GPLD1: variants seen among roughly 807,000 people sequenced by gnomAD.
The protein encoded by GPLD1 is glycosylphosphatidylinositol specific phospholipase D1, also known as phosphatidylinositol-glycan-specific phospholipase D.
A neutral mutation model predicts 112.6 loss-of-function variants in GPLD1; 84 were observed. The ratio of observed to expected loss-of-function variants is 0.75; its 90% CI spans 0.63 to 0.89. The LOEUF is 0.89. Ranked by LOEUF, GPLD1 falls within the 40% of genes least tolerant of loss-of-function variation. GPLD1 has a pLI of 0.00. For missense variants in GPLD1, 1,044 were observed against 1,051.5 expected, an observed-to-expected ratio of 0.99 and a Z score of 0.10; for synonymous variants, 386 against 403.8, an observed-to-expected ratio of 0.96 and a Z score of 0.53.
chr6:24,450,733 T>G (rs1190774858), intron 14 of GPLD1, among the ~76,000 whole-genome samples: 1 of 152,092 alleles, frequency 6.6e-6, no homozygotes, highest in African/African-American at 2.4e-5. Flanking sequence ...TCCCAGCACT[T>G]TGGGAGGCCG....
chr6:24,492,215 G>A (rs930108084), upstream of GPLD1, among the ~76,000 whole-genome samples: 3 of 152,084 alleles, frequency 2.0e-5, no homozygotes, highest in Non-Finnish European at 2.9e-5. Context: ...AGAAAATGGG[G>A]GAGAAGAGGC....
upstream of GPLD1, among the ~76,000 whole-genome samples, chr6:24,492,164 T>C (rs1374664356): frequency 6.6e-6 from 1 of 151,934 alleles, no homozygotes; most frequent in Non-Finnish European, 1.5e-5. Flanking sequence ...AGAATACAGG[T>C]TTGAAAGCCA....
chr6:24,431,710 T>C (rs924970532), intron 24 of GPLD1, among the ~76,000 whole-genome samples: 2 of 152,044 alleles, frequency 1.3e-5, no homozygotes, highest in East Asian at 3.9e-4. Context: ...ATTTTTTGTA[T>C]TTTTAGTAGA....
intron 2 of GPLD1, among the ~76,000 whole-genome samples, chr6:24,482,512 C>T (rs1300902182): frequency 6.6e-6 from 1 of 152,170 alleles, no homozygotes; most frequent in Non-Finnish European, 1.5e-5. Flanking sequence ...AACTCCTGAC[C>T]TCAGGTGATC....
chr6:24,425,236 A>ACTGT (rs1360306579), downstream of GPLD1: 16 of 152,256 alleles, frequency 1.1e-4, no homozygotes, highest in Non-Finnish European at 2.1e-4. Flanking sequence ...TGTAAAATAC[A>ACTGT]TAATAAGTAC....
chr6:24,445,470 T>C (rs1762879889), intron 20 of GPLD1, 76 bp downstream of exon 20: 12 of 924,530 alleles, frequency 1.3e-5, no homozygotes, highest in Non-Finnish European at 1.8e-5. Flanking sequence ...CCAGATCTCA[T>C]CACTTTCCTC....
At chr6:24,470,039 A>T (rs886548545) in intron 7 of GPLD1, among the ~76,000 whole-genome samples, 1 of 152,108 alleles carries the variant, frequency 6.6e-6, no homozygotes, top group Non-Finnish European at 1.5e-5. Flanking sequence ...AAACAAAAAA[A>T]CCCTGGGAGG....
intron 3 of GPLD1, among the ~76,000 whole-genome samples, chr6:24,477,760 G>A (rs1764070191): frequency 6.7e-6 from 1 of 148,352 alleles, no homozygotes; most frequent in African/African-American, 2.5e-5. Context: ...TTAAAAAAAA[G>A]GTGTTTTTTC....
At chr6:24,433,418 A>C in intron 22 of GPLD1, 29 bp from the exon 23 acceptor site, 1 of 1,520,064 alleles carries the variant, frequency 6.6e-7, no homozygotes, top group Non-Finnish European at 9.1e-7. Flanking sequence ...GAGAGAGACA[A>C]TGTTATTACT....
At position 24,426,110 on chromosome 6, in the gene GPLD1, T is replaced by C. The variant is rs1302385619; in HGVS notation, c.*2922A>G. On this transcript the variant is annotated 3_prime_UTR_variant, in exon 25 of 25. Transcript: ENST00000230036. ...AAGCCTTGAGAAAAGCTGTTACATATACGCAGATAGTAGCAAGACAGAAAA... is the reference window on the plus strand; with the variant it reads ...AAGCCTTGAGAAAAGCTGTTACATACACGCAGATAGTAGCAAGACAGAAAA... 1 of 152,216 alleles carries C rather than the reference T, an allele frequency of 6.6e-6. No homozygotes were observed. Among genetic ancestry groups the C allele is most frequent in the Non-Finnish European group, 1.5e-5 (1 of 68,036 alleles). 9.4% of individuals were successfully genotyped at this position (152,216 alleles called of 1,614,324 possible).
chr6:24,480,669 C>T (rs2760141), intron 2 of GPLD1, among the ~76,000 whole-genome samples: 45,477 of 150,944 alleles, frequency 0.3, 7,146 homozygotes, highest in Non-Finnish European at 0.34. Flanking sequence ...AAAAAAAGTG[C>T]TTTCCCTTTT....
In GPLD1 at chr6:24,466,674, A is replaced by G; in HGVS notation, c.821+6T>C. 3 of 1,609,956 alleles carry G rather than the reference A, an allele frequency of 1.9e-6. No individual in the cohort carries two copies. Among genetic ancestry groups the G allele is most frequent in the African/African-American group, 1.3e-5 (1 of 74,962 alleles). On this transcript the variant is annotated splice_donor_region_variant and intron_variant, in intron 10 of 24. Transcript: ENST00000230036. Reference sequence around the variant, plus strand: ...GATTGGTAATAGAAATGCAATATGAATTCACCTGGTCCCATTCTCCAACAT... The same window carrying G: ...GATTGGTAATAGAAATGCAATATGAGTTCACCTGGTCCCATTCTCCAACAT...
intron 14 of GPLD1, among the ~76,000 whole-genome samples, chr6:24,453,698 T>TTGTGTGTGTG (rs757136593): frequency 2.8e-5 from 1 of 35,974 alleles, no homozygotes; most frequent in African/African-American, 6.6e-5. Flanking sequence ...TACATACATT[T>TTGTGTGTGTG]CGTGTGTGTG....
chr6:24,453,536 T>A (rs369158224), intron 14 of GPLD1, among the ~76,000 whole-genome samples: 1 of 152,172 alleles, frequency 6.6e-6, no homozygotes, highest in Non-Finnish European at 1.5e-5. Flanking sequence ...CTCAGGAGGC[T>A]GAGGCAGGAG....
chr6:24,433,362 C>T lies in GPLD1; in HGVS notation c.2385+1G>A. The T allele has an allele frequency of 1.9e-6, 3 of 1,608,982 alleles. No individual in the cohort carries two copies. The highest frequency in any genetic ancestry group is 2.6e-6 in the Non-Finnish European group (3 of 1,175,506). ...TCTTCAGTCTTTCAAGGGATACTTA[C>T]TTCAGGAGAAATCAATACATATTGG... On this transcript the variant is annotated splice_donor_variant, in intron 23 of 24. Transcript: ENST00000230036. LOFTEE classifies it high-confidence loss of function.
intron 20 of GPLD1, among the ~76,000 whole-genome samples, chr6:24,441,498 G>A (rs1013065002): frequency 2.6e-5 from 4 of 152,136 alleles, no homozygotes; most frequent in Non-Finnish European, 5.9e-5. Flanking sequence ...TCACAGTTAC[G>A]ACACGAGAGT....
rs941227341 is a variant in GPLD1, at chr6:24,426,409, T to G, written c.*2623A>C. 6.6e-5 allele frequency among the ~76,000 whole-genome samples: 10 copies of G among 152,322 alleles called. No homozygotes were observed. The South Asian group carries it at 1.7e-3, about 25-fold the overall frequency. ...CATACGTGCCATATCAGTTGACCTTTTACAGTAGGAGTATAATTTACATTG... is the reference window on the plus strand; with the variant it reads ...CATACGTGCCATATCAGTTGACCTTGTACAGTAGGAGTATAATTTACATTG... On this transcript the variant is annotated 3_prime_UTR_variant, in exon 25 of 25. Coordinates refer to ENST00000230036, the MANE Select transcript of GPLD1 (RefSeq NM_001503.4).
At chr6:24,475,318 T>C in intron 4 of GPLD1, 87 bp from the exon 5 acceptor site, 1 of 768,180 alleles carries the variant, frequency 1.3e-6, no homozygotes, top group South Asian at 1.5e-5. Context: ...TATAAATTCA[T>C]TTATGTTACT....
At chr6:24,441,897 T>C (rs1186388491) in intron 20 of GPLD1, among the ~76,000 whole-genome samples, 1 of 151,456 alleles carries the variant, frequency 6.6e-6, no homozygotes, top group African/African-American at 2.4e-5. Context: ...TCTGAACAAT[T>C]TGGGTGAAAT....
Sources: allele counts gnomAD v4.1 joint callset (sites outside exome capture counted in the v4.1 genomes callset), GRCh38; gene constraint gnomAD v4.1.1; transcripts MANE v1.5; gene names NCBI Gene and HGNC (gene_info 2026-07-23, HGNC 2026-07-21).